ENPP6: variants seen among roughly 807,000 people sequenced by gnomAD.
The protein encoded by ENPP6 is ectonucleotide pyrophosphatase/phosphodiesterase 6, also known as glycerophosphocholine cholinephosphodiesterase ENPP6.
Under a neutral mutation model 42.0 loss-of-function variants are expected in ENPP6, and 32 were observed. The observed-to-expected ratio is 0.76, with a 90% confidence interval of 0.58 to 1.02. The LOEUF is 1.02. Among genes scored for constraint, ENPP6 ranks in the 50% least tolerant of loss-of-function variants. The probability of loss-of-function intolerance (pLI) is 0.00; values close to 1 mark genes in which losing one functional copy is unlikely to be tolerated. For missense variants in ENPP6, 552 were observed against 566.8 expected, an observed-to-expected ratio of 0.97 and a Z score of 0.27; for synonymous variants, 213 against 216.0, an observed-to-expected ratio of 0.99 and a Z score of 0.12.
chr4:184,122,559 G>T (rs1200032713), intron 3 of ENPP6, among the ~76,000 whole-genome samples: 1 of 152,216 alleles, frequency 6.6e-6, no homozygotes, highest in Non-Finnish European at 1.5e-5. Flanking sequence ...GGACAGGGAA[G>T]TCTGCTTAGA....
chr4:184,113,901 T>TTCTTTCTTTCTTTC (rs1282828016), intron 5 of ENPP6, among the ~76,000 whole-genome samples: 19 of 61,004 alleles, frequency 3.1e-4, no homozygotes, highest in African/African-American at 1.2e-3. Flanking sequence ...TTTCTTTCTT[T>TTCTTTCTTTCTTTC]TCTTTCTTTC....
intron 1 of ENPP6, among the ~76,000 whole-genome samples, chr4:184,172,372 A>G (rs959227320): frequency 4.6e-5 from 7 of 152,112 alleles, no homozygotes; most frequent in African/African-American, 1.2e-4. Flanking sequence ...TGCCTCCTGA[A>G]GAGCCTCCAC....
intron 1 of ENPP6, among the ~76,000 whole-genome samples, chr4:184,178,887 G>T (rs1455848561): frequency 1.3e-5 from 2 of 152,138 alleles, no homozygotes; most frequent in African/African-American, 4.8e-5. Flanking sequence ...CACAAATATG[G>T]AAAGGAAAAA....
At chr4:184,183,997 G>A (rs138927194) in intron 1 of ENPP6, among the ~76,000 whole-genome samples, 85 of 152,300 alleles carry the variant, frequency 5.6e-4, no homozygotes, top group African/African-American at 1.3e-3. Flanking sequence ...TGCTCAGGGC[G>A]ATCCTGGAAG....
intron 1 of ENPP6, among the ~76,000 whole-genome samples, chr4:184,178,268 T>C (rs1732486946): frequency 6.6e-6 from 1 of 151,774 alleles, no homozygotes; most frequent in African/African-American, 2.4e-5. Context: ...AAGAAAGAAT[T>C]TCAGAACTTG....
chr4:184,210,460 T>G (rs1319256744), intron 1 of ENPP6, among the ~76,000 whole-genome samples: 1 of 112,980 alleles, frequency 8.9e-6, no homozygotes, highest in African/African-American at 3.6e-5. Flanking sequence ...AAACAGACTT[T>G]AAACCAACAA....
At chr4:184,186,953 C>T (rs1056138825) in intron 1 of ENPP6, among the ~76,000 whole-genome samples, 1 of 152,224 alleles carries the variant, frequency 6.6e-6, no homozygotes, top group Admixed American at 6.5e-5. Context: ...GTCTGCGCCA[C>T]GACCTACAGG....
chr4:184,197,857 G>T (rs1561008566), intron 1 of ENPP6, among the ~76,000 whole-genome samples: 2 of 152,168 alleles, frequency 1.3e-5, no homozygotes. Flanking sequence ...AAGCTGCAGG[G>T]GAATGGGCCA....
chr4:184,145,050 C>CAGGAGG (rs954545896), intron 2 of ENPP6, among the ~76,000 whole-genome samples: 1 of 152,100 alleles, frequency 6.6e-6, no homozygotes, highest in African/African-American at 2.4e-5. Context: ...GGTGGAGCGC[C>CAGGAGG]AGGAGGAGGA....
intron 4 of ENPP6, among the ~76,000 whole-genome samples, chr4:184,117,316 A>G (rs1180966747): frequency 6.6e-6 from 1 of 152,176 alleles, no homozygotes; most frequent in African/African-American, 2.4e-5. Context: ...CTTTCAACAA[A>G]TTTGTGTGCT....
intron 1 of ENPP6, among the ~76,000 whole-genome samples, chr4:184,178,249 A>T (rs936968248): frequency 6.6e-6 from 1 of 152,124 alleles, no homozygotes; most frequent in Non-Finnish European, 1.5e-5. Context: ...AGCCAAGCAG[A>T]CCAAGCAGAA....
intron 2 of ENPP6, among the ~76,000 whole-genome samples, chr4:184,147,763 T>G (rs1417366822): frequency 6.7e-6 from 1 of 149,580 alleles, no homozygotes; most frequent in East Asian, 2.0e-4. Context: ...ATTGCACCAA[T>G]GCACTCTAGC....
At chr4:184,095,244 G>C (rs966727907) in intron 7 of ENPP6, among the ~76,000 whole-genome samples, 2 of 152,228 alleles carry the variant, frequency 1.3e-5, no homozygotes, top group African/African-American at 4.8e-5. Context: ...AGGAACCTGT[G>C]ATGGAGGCCT....
chr4:184,173,581 C>T (rs1737511367), intron 1 of ENPP6, among the ~76,000 whole-genome samples: 1 of 152,178 alleles, frequency 6.6e-6, no homozygotes, highest in Middle Eastern at 3.2e-3. Context: ...CCCAAAAGAG[C>T]CAAGTGGCTA....
chr4:184,142,577 G>A (rs77855005), intron 2 of ENPP6, among the ~76,000 whole-genome samples: 1,554 of 152,340 alleles, frequency 0.01, 22 homozygotes, highest in South Asian at 0.04. Context: ...GCGCAGGGTG[G>A]CCCTGCAGAC....
chr4:184,188,308 G>A (rs1411847726), intron 1 of ENPP6, among the ~76,000 whole-genome samples: 1 of 152,160 alleles, frequency 6.6e-6, no homozygotes, highest in East Asian at 1.9e-4. Context: ...CGTCTGTGGG[G>A]TATATTCCAA....
rs1466861070 is a variant in ENPP6 at position 184,124,394 on chromosome 4, T to C, written c.422-122A>G. ...AAAATAAAAATGTTGAGTATTTTTA[T>C]GAACTAAAATAACTTATTGCTAATA... On this transcript the variant is annotated intron_variant, in intron 2 of 7. Coordinates refer to ENST00000296741, the MANE Select transcript of ENPP6 (RefSeq NM_153343.4). 4 of 693,324 alleles carry C rather than the reference T, an allele frequency of 5.8e-6. No homozygotes were observed. In the East Asian group the frequency reaches 1.1e-4, roughly 19 times the overall value. 42.9% of individuals were successfully genotyped at this position (693,324 alleles called of 1,614,324 possible).
chr4:184,126,105 T>C (rs976270396), intron 2 of ENPP6, among the ~76,000 whole-genome samples: 1 of 152,232 alleles, frequency 6.6e-6, no homozygotes, highest in African/African-American at 2.4e-5. Flanking sequence ...AGTATGACCA[T>C]GGTTTTGCAG....
At chr4:184,092,690 C>T (rs11736004) in intron 7 of ENPP6, among the ~76,000 whole-genome samples, 56,566 of 152,104 alleles carry the variant, frequency 0.37, 11,785 homozygotes, top group East Asian at 0.62. Context: ...TAACAAAATA[C>T]CCAATGCTAC....
Sources: gnomAD v4.1 joint callset for allele counts (sites outside exome capture counted in the v4.1 genomes callset) on GRCh38, gnomAD v4.1.1 for gene constraint, MANE v1.5 for transcripts, NCBI Gene and HGNC (gene_info 2026-07-23, HGNC 2026-07-21) for gene names.